RBPJ: variants seen among roughly 807,000 people sequenced by gnomAD.
The protein encoded by RBPJ is recombination signal binding protein for immunoglobulin kappa J region, also known as recombining binding protein suppressor of hairless.
Under a neutral mutation model 67.8 loss-of-function variants are expected in RBPJ, and 9 were observed. The ratio of observed to expected loss-of-function variants is 0.13; its 90% CI spans 0.08 to 0.23. RBPJ has a LOEUF of 0.23. Among genes scored for constraint, RBPJ ranks in the 10% least tolerant of loss-of-function variants. The pLI, the probability that RBPJ is intolerant of heterozygous loss-of-function variation, is 1.00. For synonymous variants in RBPJ, 198 were observed against 203.3 expected, an observed-to-expected ratio of 0.97 and a Z score of 0.22; for missense variants, 305 against 595.6, an observed-to-expected ratio of 0.51 and a Z score of 5.08.
chr4:26,270,385 G>GAA lies in RBPJ; in HGVS notation c.-166-92059_-166-92058dup, dbSNP rs1263040992. Reference sequence around the variant, plus strand: ...AGAAAGAAAGAAAGAAAGAAAGAAAGAAAGAAAGAAAGAAAGAAAGAAAGA... The same window carrying GAA: ...AGAAAGAAAGAAAGAAAGAAAGAAAGAAAAAGAAAGAAAGAAAGAAAGAAAGA... On this transcript the variant is annotated intron_variant, in intron 1 of 4. Transcript: ENST00000512351. Among the ~76,000 whole-genome samples, 24 of 53,720 alleles carry GAA rather than the reference G, an allele frequency of 4.5e-4. 3 individuals carry two copies. The highest frequency in any genetic ancestry group is 1.5e-3 in the African/African-American group (24 of 15,686). 35.2% of individuals were successfully genotyped at this position (53,720 alleles called of 152,430 possible).
Position 26,172,286 on chromosome 4 carries a change from T to TG in RBPJ, c.-167+8673dup, listed in dbSNP as rs1280903314. 1.1e-4 allele frequency among the ~76,000 whole-genome samples: 17 copies of TG among 151,886 alleles called. No homozygotes were observed. The East Asian group carries it at 3.3e-3, about 29-fold the overall frequency. On this transcript the variant is annotated intron_variant, in intron 1 of 4. Coordinates refer to the RBPJ transcript ENST00000512351. The stretch of plus-strand genomic sequence containing the variant: ...CACCCTGCAGCTGCCGTGGGCTGTG[T>TG]GAAAAAAATTAAAAAAGAAAGAAAG...
chr4:26,185,587 G>A (rs750278381), intron 1 of RBPJ, among the ~76,000 whole-genome samples: 6 of 152,098 alleles, frequency 3.9e-5, no homozygotes, highest in South Asian at 2.1e-4. Context: ...AGAGTCCCTC[G>A]GTCTCCACCT....
chr4:26,313,270 G>A (rs1379094169), intron 1 of RBPJ, among the ~76,000 whole-genome samples: 1 of 152,134 alleles, frequency 6.6e-6, no homozygotes, highest in African/African-American at 2.4e-5. Flanking sequence ...AGTGGCTCAT[G>A]CCTGTACTCC....
At chr4:26,420,968 T>A (rs1735074060) in intron 5 of RBPJ, 1 of 423,736 alleles carries the variant, frequency 2.4e-6, no homozygotes, top group African/African-American at 2.0e-5. Context: ...GGAGATTTTC[T>A]CCTTCTGTTG....
At chr4:26,243,685 A>T (rs1289232370) in intron 1 of RBPJ, among the ~76,000 whole-genome samples, 1 of 152,224 alleles carries the variant, frequency 6.6e-6, no homozygotes, top group African/African-American at 2.4e-5. Context: ...GAATTTCATC[A>T]TTATGGTTTC....
chr4:26,353,759 C>T (rs1042659945), intron 1 of RBPJ, among the ~76,000 whole-genome samples: 1 of 151,332 alleles, frequency 6.6e-6, no homozygotes, highest in African/African-American at 2.4e-5. Context: ...CAGGCACCCA[C>T]CACCACGCCT....
chr4:26,201,187 A>T (rs1717969414), intron 1 of RBPJ, among the ~76,000 whole-genome samples: 1 of 152,154 alleles, frequency 6.6e-6, no homozygotes, highest in Non-Finnish European at 1.5e-5. Flanking sequence ...CAAATGTTTG[A>T]TGCTTTTCTA....
At chr4:26,116,561 C>T in the RBPJ span, among the ~76,000 whole-genome samples, 1 of 152,226 alleles carries the variant, frequency 6.6e-6, no homozygotes, top group Non-Finnish European at 1.5e-5. Flanking sequence ...ACTGTCCTCT[C>T]AGCTCCCCGG....
intron 1 of RBPJ, among the ~76,000 whole-genome samples, chr4:26,305,792 T>TC (rs1722218316): frequency 7.0e-6 from 1 of 143,508 alleles, no homozygotes. Flanking sequence ...TTTTTTTTTT[T>TC]TTCTGAGACT....
At chr4:26,422,321 T>C (rs1208721718) in intron 5 of RBPJ, among the ~76,000 whole-genome samples, 1 of 152,168 alleles carries the variant, frequency 6.6e-6, no homozygotes, top group Non-Finnish European at 1.5e-5. Context: ...TTAATAGTCA[T>C]TGATGATGTT....
intron 4 of RBPJ, among the ~76,000 whole-genome samples, chr4:26,420,195 AT>A (rs901187715): frequency 1.5e-4 from 22 of 151,516 alleles, no homozygotes; most frequent in African/African-American, 5.1e-4. Context: ...AAAGTCATTG[AT>A]TTTTTTTAAC....
intron 1 of RBPJ, among the ~76,000 whole-genome samples, chr4:26,353,231 A>G (rs1389361422): frequency 1.3e-5 from 2 of 152,258 alleles, no homozygotes; most frequent in Admixed American, 6.5e-5. Flanking sequence ...CTATGAAGTA[A>G]CATGATTTTC....
the RBPJ span, among the ~76,000 whole-genome samples, chr4:26,124,415 C>CATATATATATATATAT: frequency 2.4e-4 from 15 of 62,436 alleles, no homozygotes; most frequent in Admixed American, 3.9e-4. Context: ...AGTATTCCAT[C>CATATATATATATATAT]ATATATATAT....
chr4:26,121,317 A>G, the RBPJ span, among the ~76,000 whole-genome samples: 2 of 152,148 alleles, frequency 1.3e-5, no homozygotes, highest in African/African-American at 4.8e-5. Context: ...GGGTTTCTCA[A>G]TAACTTGAGA....
the RBPJ span, among the ~76,000 whole-genome samples, chr4:26,115,878 C>T: frequency 2.6e-5 from 4 of 151,600 alleles, no homozygotes; most frequent in African/African-American, 9.7e-5. Flanking sequence ...ATAAATTATG[C>T]AAAGGTTAAC....
chr4:26,108,748 C>T, the RBPJ span, among the ~76,000 whole-genome samples: 1 of 152,154 alleles, frequency 6.6e-6, no homozygotes, highest in Admixed American at 6.5e-5. Flanking sequence ...CTGGGATAGA[C>T]ACATCTTCTA....
chr4:26,373,340 A>G (rs1156445688), intron 1 of RBPJ, among the ~76,000 whole-genome samples: 2 of 152,178 alleles, frequency 1.3e-5, no homozygotes, highest in Non-Finnish European at 2.9e-5. Flanking sequence ...CCTTAGGGGC[A>G]GGCTTCTCTG....
the RBPJ span, among the ~76,000 whole-genome samples, chr4:26,151,388 T>C: frequency 7.2e-5 from 11 of 152,244 alleles, no homozygotes; most frequent in African/African-American, 2.7e-4. Context: ...GAATATGTTC[T>C]GTGTTTTGGG....
At chr4:26,409,175 G>A (rs950906391) in intron 3 of RBPJ, among the ~76,000 whole-genome samples, 2 of 152,194 alleles carry the variant, frequency 1.3e-5, no homozygotes, top group African/African-American at 2.4e-5. Flanking sequence ...ATTTAATACC[G>A]GGATGTATAA....
Sources: allele counts gnomAD v4.1 joint callset (sites outside exome capture counted in the v4.1 genomes callset), GRCh38; gene constraint gnomAD v4.1.1; transcripts MANE v1.5; gene names NCBI Gene and HGNC (gene_info 2026-07-23, HGNC 2026-07-21).